The following MICU1 variants were observed in gnomAD, a reference collection of about 807,000 sequenced individuals.
MICU1 encodes mitochondrial calcium uptake 1.
In MICU1, 45 loss-of-function variants were observed where a neutral mutation model predicts 56.8. The ratio of observed to expected loss-of-function variants is 0.79; its 90% confidence interval spans 0.62 to 1.02. The LOEUF (loss-of-function observed/expected upper bound fraction) is 1.02. Among genes scored for constraint, MICU1 ranks in the 50% least tolerant of loss-of-function variants. MICU1 has a pLI of 0.00. For synonymous variants in MICU1, 186 were observed against 195.1 expected, an observed-to-expected ratio of 0.95 and a Z score of 0.39; for missense variants, 504 against 587.1, an observed-to-expected ratio of 0.86 and a Z score of 1.46.
At chr10:72,512,097 G>GTTTT (rs1867471926) in intron 5 of MICU1, among the ~76,000 whole-genome samples, 7 of 100,688 alleles carry the variant, frequency 7.0e-5, no homozygotes, top group African/African-American at 2.9e-4. Context: ...TCCATACACA[G>GTTTT]TTGTTTTTTG....
At position 72,386,013 on chromosome 10, in the gene MICU1, C is replaced by G. The variant is rs570433083; in HGVS notation, c.1181-10141G>C. On this transcript the variant is annotated intron_variant, in intron 10 of 11. Transcript: ENST00000361114. ...GAAAGGACCTGAATTCTGCCAACAG[C>G]AGGAAAGAACTTTGAAGAGGACCCT... 7.9e-5 allele frequency among the ~76,000 whole-genome samples: 12 copies of G among 152,248 alleles called. No homozygotes were observed. In the South Asian group the frequency reaches 2.1e-3, roughly 26 times the overall value.
At chr10:72,438,261 A>C (rs1864800555) in intron 8 of MICU1, among the ~76,000 whole-genome samples, 1 of 152,228 alleles carries the variant, frequency 6.6e-6, no homozygotes, top group South Asian at 2.1e-4. Flanking sequence ...AAACCGCACA[A>C]CTACATGGAA....
chr10:72,387,612 T>C (rs1386992093), intron 10 of MICU1, among the ~76,000 whole-genome samples: 1 of 152,080 alleles, frequency 6.6e-6, no homozygotes, highest in Non-Finnish European at 1.5e-5. Context: ...ACACCAATAA[T>C]TTTTGGATGA....
chr10:72,569,225 A>ATTTTTTT lies in MICU1; in HGVS notation c.-1-2432_-1-2431insAAAAAAA, dbSNP rs1320606721. On this transcript the variant is annotated intron_variant, in intron 1 of 11. Coordinates refer to ENST00000361114, the MANE Select transcript of MICU1 (RefSeq NM_001195518.2). ...TATATGCATATATATATATATATAT[A>ATTTTTTT]TATATATATATATTTTTTTTTTTTT... Among the ~76,000 whole-genome samples, 42 of 40,496 alleles carry ATTTTTTT rather than the reference A, an allele frequency of 1.0e-3. 6 individuals carry two copies. The highest frequency in any genetic ancestry group is 4.6e-3 in the African/African-American group (39 of 8,456). 26.6% of individuals were successfully genotyped at this position (40,496 alleles called of 152,430 possible).
intron 2 of MICU1, among the ~76,000 whole-genome samples, chr10:72,564,555 A>AG (rs1370622985): frequency 6.6e-6 from 1 of 150,662 alleles, no homozygotes; most frequent in Non-Finnish European, 1.5e-5. Context: ...AAAAAAAAAA[A>AG]AAAAAAAAGA....
At chr10:72,476,125 G>A (rs1388102074) in intron 7 of MICU1, among the ~76,000 whole-genome samples, 1 of 151,140 alleles carries the variant, frequency 6.6e-6, no homozygotes, top group Non-Finnish European at 1.5e-5. Context: ...TGCTCAGGAG[G>A]CTGAGGCAGG....
intron 5 of MICU1, among the ~76,000 whole-genome samples, chr10:72,526,932 C>CAAAA (rs57033966): frequency 2.9e-4 from 37 of 127,528 alleles, no homozygotes; most frequent in African/African-American, 4.6e-4. Context: ...GTAATGGCTT[C>CAAAA]AAAAAAAAAA....
intron 5 of MICU1, among the ~76,000 whole-genome samples, chr10:72,528,536 AACAAT>A (rs1868028263): frequency 1.3e-5 from 2 of 152,204 alleles, no homozygotes; most frequent in Admixed American, 6.5e-5. Context: ...ATGGCTAATT[AACAAT>A]GCAGAATTAC....
At chr10:72,444,231 G>A (rs1451273154) in intron 8 of MICU1, among the ~76,000 whole-genome samples, 1 of 151,750 alleles carries the variant, frequency 6.6e-6, no homozygotes, top group Non-Finnish European at 1.5e-5. Flanking sequence ...GTGGGGTGGG[G>A]GAAGGGGGGA....
At chr10:72,597,931 T>C (rs1278775811) in intron 1 of MICU1, among the ~76,000 whole-genome samples, 1 of 152,142 alleles carries the variant, frequency 6.6e-6, no homozygotes, top group Non-Finnish European at 1.5e-5. Flanking sequence ...GTCAAAAAGT[T>C]TCAGATTTGG....
chr10:72,492,921 A>G (rs995216238), intron 6 of MICU1, among the ~76,000 whole-genome samples: 5 of 151,978 alleles, frequency 3.3e-5, no homozygotes, highest in Admixed American at 1.3e-4. Context: ...GTTCAAGACC[A>G]GTCTGGCCAA....
chr10:72,602,504 C>G lies in MICU1; in HGVS notation c.-2+23506G>C, dbSNP rs372538729. The stretch of plus-strand genomic sequence containing the variant: ...AAACCTAAATGGCCTATGTAAATAT[C>G]TTCATTTATGATTTGCTAATCATGT... On this transcript the variant is annotated intron_variant, in intron 1 of 11. Transcript: ENST00000361114. 2.4e-3 allele frequency among the ~76,000 whole-genome samples: 367 copies of G among 151,902 alleles called. 1 individual carries two copies. Among genetic ancestry groups the G allele is most frequent in the African/African-American group, 8.4e-3 (347 of 41,450 alleles).
intron 8 of MICU1, among the ~76,000 whole-genome samples, chr10:72,464,177 T>C (rs1865718628): frequency 6.6e-6 from 1 of 151,372 alleles, no homozygotes; most frequent in Non-Finnish European, 1.5e-5. Context: ...ATGCCTGTAA[T>C]CCCAGCTACT....
chr10:72,610,466 ACAAG>A (rs1170850142), intron 1 of MICU1, among the ~76,000 whole-genome samples: 1 of 152,152 alleles, frequency 6.6e-6, no homozygotes, highest in Non-Finnish European at 1.5e-5. Flanking sequence ...TTGCAAAGAC[ACAAG>A]CAGAGTTAAC....
At chr10:72,391,451 TAAATA>T (rs1303820297) in intron 10 of MICU1, among the ~76,000 whole-genome samples, 3 of 151,180 alleles carry the variant, frequency 2.0e-5, no homozygotes, top group Non-Finnish European at 4.4e-5. Context: ...AAAAAATAAA[TAAATA>T]AAATAAAATT....
chr10:72,546,949 T>C (rs943613558), intron 4 of MICU1, among the ~76,000 whole-genome samples: 31 of 150,844 alleles, frequency 2.1e-4, no homozygotes, highest in African/African-American at 7.1e-4. Flanking sequence ...TGGACTGCAG[T>C]GGTGCAATCT....
intron 10 of MICU1, among the ~76,000 whole-genome samples, chr10:72,395,866 G>C (rs2132076612): frequency 6.6e-6 from 1 of 152,348 alleles, no homozygotes; most frequent in African/African-American, 2.4e-5. Context: ...CTGAACAAAA[G>C]CCAGCAGAAA....
chr10:72,431,581 G>A (rs1864533567), intron 8 of MICU1, among the ~76,000 whole-genome samples: 1 of 152,164 alleles, frequency 6.6e-6, no homozygotes, highest in Admixed American at 6.5e-5. Context: ...TATATATCTG[G>A]AAGTGGAACT....
At position 72,555,006 on chromosome 10, in the gene MICU1, C is replaced by G. The variant is rs182341272; in HGVS notation, c.331-3665G>C. On this transcript the variant is annotated intron_variant, in intron 3 of 11. Coordinates refer to ENST00000361114, the MANE Select transcript of MICU1 (RefSeq NM_001195518.2). ...CTCCAGCCTGGGTGATAGAGAGAGACTCTATCTCAAAACAAAACAAAACAT... is the reference window on the plus strand; with the variant it reads ...CTCCAGCCTGGGTGATAGAGAGAGAGTCTATCTCAAAACAAAACAAAACAT... 1.4e-4 allele frequency among the ~76,000 whole-genome samples: 22 copies of G among 152,216 alleles called. 1 individual carries two copies. The East Asian group carries it at 4.2e-3, about 29-fold the overall frequency.
Sources: gnomAD v4.1 joint callset for allele counts (sites outside exome capture counted in the v4.1 genomes callset) on GRCh38, gnomAD v4.1.1 for gene constraint, MANE v1.5 for transcripts, NCBI Gene and HGNC (gene_info 2026-07-23, HGNC 2026-07-21) for gene names.